Variants in PDZD9 observed in about 807,000 individuals in gnomAD.
The protein encoded by PDZD9 is PDZ domain containing 9.
In PDZD9, 13 loss-of-function variants were observed where a neutral mutation model predicts 16.3. That is an observed-to-expected ratio of 0.80 (90% CI 0.52 to 1.27). PDZD9 has a LOEUF of 1.27. Among genes scored for constraint, PDZD9 ranks in the 50% most tolerant of loss-of-function variants. The pLI is 0.00. For missense variants in PDZD9, 288 were observed against 310.9 expected (o/e 0.93, Z 0.55); for synonymous variants, 120 against 111.0 (o/e 1.08, Z -0.51).
chr16:21,997,112 C>T (rs912758755), intron 1 of PDZD9, among the ~76,000 whole-genome samples: 10 of 152,152 alleles, frequency 6.6e-5, no homozygotes, highest in South Asian at 2.1e-4. Context: ...TGTGAGCCAC[C>T]GTGCCTGGCC....
the PDZD9 span, chr16:21,962,333 A>G: frequency 9.1e-7 from 1 of 1,097,194 alleles, no homozygotes; most frequent in Non-Finnish European, 1.3e-6. Flanking sequence ...GAGTTTTGTT[A>G]TATTATTGTT....
the PDZD9 span, among the ~76,000 whole-genome samples, chr16:21,967,465 C>T: frequency 6.6e-6 from 1 of 151,578 alleles, no homozygotes; most frequent in Non-Finnish European, 1.5e-5. Flanking sequence ...TTACCCCAAA[C>T]CAATTTTCAC....
the PDZD9 span, among the ~76,000 whole-genome samples, chr16:21,975,695 C>T: frequency 2.0e-5 from 3 of 152,170 alleles, no homozygotes; most frequent in African/African-American, 7.2e-5. Context: ...TGGATTACTA[C>T]TCTCTTCTTA....
chr16:21,969,531 C>CA, the PDZD9 span, among the ~76,000 whole-genome samples: 123 of 151,834 alleles, frequency 8.1e-4, 1 homozygote, highest in East Asian at 0.022. Flanking sequence ...GACTCTGTCT[C>CA]AAAAAAATAC....
intron 2 of PDZD9, among the ~76,000 whole-genome samples, chr16:21,992,924 G>A (rs1449344426): frequency 1.3e-5 from 2 of 152,100 alleles, no homozygotes; most frequent in Admixed American, 1.3e-4. Context: ...CCCCCATGCT[G>A]TCATGATAGT....
the PDZD9 span, chr16:21,957,665 T>C: frequency 2.7e-6 from 4 of 1,467,314 alleles, no homozygotes; most frequent in East Asian, 2.4e-5. Flanking sequence ...TTTGATTCCT[T>C]GACCTGCCAT....
chr16:21,983,720 GTTT>G (rs1898793783), downstream of PDZD9: 3 of 153,302 alleles, frequency 2.0e-5, no homozygotes, highest in Admixed American at 2.0e-4. Context: ...ACAGAGTTTT[GTTT>G]TTCTCTCATC....
intron 2 of PDZD9, 75 bp from the exon 3 acceptor site, chr16:21,988,866 G>T: frequency 8.1e-7 from 1 of 1,238,748 alleles, no homozygotes; most frequent in Non-Finnish European, 1.1e-6. Flanking sequence ...GCTTTATTGT[G>T]AGGTATTTCA....
the PDZD9 span, chr16:21,965,380 C>G: frequency 6.3e-7 from 1 of 1,599,896 alleles, no homozygotes; most frequent in Non-Finnish European, 8.6e-7. Flanking sequence ...AGTGCATTTC[C>G]CTAAATGCTT....
At position 21,995,747 on chromosome 16, in the gene PDZD9, G is replaced by A. The variant is rs377237556; in HGVS notation, c.211+575C>T. ...TGAGTAGCTGGGACTACAGGCGCCC[G>A]CCACTAGGCCCAGCTAATTTTTGTA... On this transcript the variant is annotated intron_variant, in intron 2 of 3. Coordinates refer to ENST00000424898, the MANE Select transcript of PDZD9 (RefSeq NM_001363519.1). 4.3e-4 allele frequency among the ~76,000 whole-genome samples: 66 copies of A among 152,096 alleles called. 1 individual carries two copies. The East Asian group carries it at 0.011, about 26-fold the overall frequency.
intron 2 of PDZD9, among the ~76,000 whole-genome samples, chr16:21,992,768 A>G (rs1899055188): frequency 6.6e-6 from 1 of 152,164 alleles, no homozygotes; most frequent in Admixed American, 6.5e-5. Flanking sequence ...ACTCGGACTG[A>G]GCCACTATTG....
chr16:21,973,485 T>G, the PDZD9 span, among the ~76,000 whole-genome samples: 1 of 152,138 alleles, frequency 6.6e-6, no homozygotes, highest in Non-Finnish European at 1.5e-5. Context: ...CTTTCTGACA[T>G]GAGTGTATAA....
chr16:21,997,177 C>T (rs551210815), intron 1 of PDZD9, among the ~76,000 whole-genome samples: 1 of 152,228 alleles, frequency 6.6e-6, no homozygotes, highest in Admixed American at 6.5e-5. Flanking sequence ...GGACAGATAT[C>T]AATCAGTCAT....
chr16:21,976,356 G>A, the PDZD9 span: 3 of 916,726 alleles, frequency 3.3e-6, no homozygotes, highest in South Asian at 3.2e-5. Context: ...GTACAGAAAA[G>A]CGTAAAAAGG....
the PDZD9 span, among the ~76,000 whole-genome samples, chr16:21,969,379 C>G: frequency 3.3e-5 from 5 of 152,036 alleles, no homozygotes; most frequent in Non-Finnish European, 5.9e-5. Flanking sequence ...ACTAAAAATA[C>G]AAAAATTAGT....
At chr16:21,970,825 A>T in the PDZD9 span, among the ~76,000 whole-genome samples, 558 of 152,186 alleles carry the variant, frequency 3.7e-3, 24 homozygotes, top group South Asian at 0.092. Flanking sequence ...AGCTCAGGTG[A>T]TCCACTTGCC....
chr16:21,996,819 G>C (rs1952273890), intron 1 of PDZD9, among the ~76,000 whole-genome samples: 1 of 152,126 alleles, frequency 6.6e-6, no homozygotes, highest in Non-Finnish European at 1.5e-5. Context: ...CAAAACAGAT[G>C]TGTTGGGTTT....
intron 2 of PDZD9, among the ~76,000 whole-genome samples, chr16:21,989,844 A>C (rs1898979568): frequency 6.6e-6 from 1 of 152,152 alleles, no homozygotes; most frequent in Non-Finnish European, 1.5e-5. Flanking sequence ...CCCAAATTGA[A>C]GGAAGCTAAA....
At chr16:22,000,170 C>T (rs1027983838) in intron 1 of PDZD9, among the ~76,000 whole-genome samples, 2 of 152,188 alleles carry the variant, frequency 1.3e-5, no homozygotes, top group African/African-American at 2.4e-5. Context: ...TACCACTGCA[C>T]TCCAGCCTGA....
Sources: gnomAD v4.1 joint callset for allele counts (sites outside exome capture counted in the v4.1 genomes callset) on GRCh38, gnomAD v4.1.1 for gene constraint, MANE v1.5 for transcripts, NCBI Gene and HGNC (gene_info 2026-07-23, HGNC 2026-07-21) for gene names.